Variants in DISC1 observed in about 807,000 individuals in gnomAD.
DISC1 encodes disrupted in schizophrenia 1 protein.
DISC1 carries 57 observed loss-of-function variants against 84.5 expected under a neutral mutation model. The observed-to-expected ratio is 0.67, with a 90% CI of 0.55 to 0.84. DISC1 has a LOEUF of 0.84. Ranked by LOEUF, DISC1 falls within the 40% of genes least tolerant of loss-of-function variation. The probability of loss-of-function intolerance (pLI) is 0.00; values close to 1 mark genes in which losing one functional copy is unlikely to be tolerated. For missense variants in DISC1, 1,000 were observed against 1,057.8 expected, an observed-to-expected ratio of 0.95 and a Z score of 0.76; for synonymous variants, 411 against 415.2, an observed-to-expected ratio of 0.99 and a Z score of 0.12.
Position 231,897,507 on chromosome 1 carries a change from G to A in DISC1, c.1982-61321G>A, listed in dbSNP as rs986784987. Among the ~76,000 whole-genome samples, 4 of 152,052 alleles carry A rather than the reference G, an allele frequency of 2.6e-5. No homozygotes were observed. The highest frequency in any genetic ancestry group is 4.8e-5 in the African/African-American group (2 of 41,414). ...TCACACATACAGCGCAGACTAAATC[G>A]TCTTTTTCTTTATCTTTTTTTTTTC... On this transcript the variant is annotated intron_variant, in intron 9 of 12. Coordinates refer to ENST00000439617, the MANE Select transcript of DISC1 (RefSeq NM_018662.3). The surrounding 1 kb of genome is among the most constrained non-coding windows in gnomAD (Gnocchi z 4.5).
Position 232,031,548 on chromosome 1 carries a change from A to G in DISC1, c.2425+4996A>G, listed in dbSNP as rs1209716708. ...AGGAAAGGAAAGAAAGAAAACCCAG[A>G]GCCTAAGATGACAGTATCTAAAGCT... is the stretch of plus-strand genomic sequence containing the variant. On this transcript the variant is annotated intron_variant, in intron 12 of 12. Coordinates refer to ENST00000439617, the MANE Select transcript of DISC1 (RefSeq NM_018662.3). The surrounding 1 kb of genome is among the most constrained non-coding windows in gnomAD (Gnocchi z 4.6). Among the ~76,000 whole-genome samples the G allele has an allele frequency of 2.6e-5, 4 of 152,184 alleles. No individual in the cohort carries two copies. The highest frequency in any genetic ancestry group is 9.7e-5 in the African/African-American group (4 of 41,442).
At chr1:232,015,399 G>A (rs530797840) in intron 11 of DISC1, among the ~76,000 whole-genome samples, 1 of 152,238 alleles carries the variant, frequency 6.6e-6, no homozygotes, top group East Asian at 1.9e-4. Flanking sequence ...CAGTCTGAGG[G>A]ATCGATAGCA....
Position 231,655,260 on chromosome 1 carries a change from A to G in DISC1, c.67+28326A>G, listed in dbSNP as rs2060959804. ...AAAGTCGCCCCTCCCACACTCCCCTATTCTGAGTCTCTAAAGTCCATTATA... is the reference window on the plus strand; with the variant it reads ...AAAGTCGCCCCTCCCACACTCCCCTGTTCTGAGTCTCTAAAGTCCATTATA... On this transcript the variant is annotated intron_variant, in intron 1 of 12. Coordinates refer to ENST00000439617, the MANE Select transcript of DISC1 (RefSeq NM_018662.3). Among the ~76,000 whole-genome samples, 7 of 152,022 alleles carry G rather than the reference A, an allele frequency of 4.6e-5. 1 individual carries two copies. The South Asian group carries it at 1.4e-3, about 31-fold the overall frequency.
intron 1 of DISC1, among the ~76,000 whole-genome samples, chr1:231,660,217 A>G (rs916624830): frequency 1.3e-5 from 2 of 152,292 alleles, no homozygotes; most frequent in African/African-American, 4.8e-5. Flanking sequence ...ACTCTTTACC[A>G]TTATTAATGC....
chr1:231,901,976 C>T (rs2088215363), intron 9 of DISC1, among the ~76,000 whole-genome samples: 1 of 152,054 alleles, frequency 6.6e-6, no homozygotes, highest in Admixed American at 6.6e-5. Context: ...TGAACAAGAG[C>T]CCCACGTTTC....
chr1:231,789,595 G>A (rs1205676627), intron 6 of DISC1, among the ~76,000 whole-genome samples: 1 of 152,174 alleles, frequency 6.6e-6, no homozygotes. Context: ...AGTAGAGACA[G>A]TTCTTTGGTC....
chr1:231,739,983 A>C (rs1013587487), intron 3 of DISC1, among the ~76,000 whole-genome samples: 2 of 152,160 alleles, frequency 1.3e-5, no homozygotes, highest in Non-Finnish European at 2.9e-5. Flanking sequence ...GGAGGTGATT[A>C]GGTCATGAGG....
chr1:231,998,109 T>C (rs1233305635), intron 10 of DISC1, among the ~76,000 whole-genome samples: 1 of 152,240 alleles, frequency 6.6e-6, no homozygotes, highest in African/African-American at 2.4e-5. Flanking sequence ...CAAAGTTTAA[T>C]TATTTTAAGT....
intron 12 of DISC1, among the ~76,000 whole-genome samples, chr1:232,035,810 G>A (rs546342910): frequency 9.2e-5 from 14 of 152,292 alleles, no homozygotes; most frequent in Admixed American, 8.5e-4. Flanking sequence ...ACTGGATGAC[G>A]TATGGACAGA....
chr1:231,911,992 A>G (rs10732686), intron 9 of DISC1, among the ~76,000 whole-genome samples: 117,121 of 152,130 alleles, frequency 0.77, 45,311 homozygotes, highest in East Asian at 0.91. Flanking sequence ...CATGTGTCAC[A>G]TAGTTCTCGT....
intron 9 of DISC1, among the ~76,000 whole-genome samples, chr1:231,838,876 C>T (rs544392829): frequency 4.6e-5 from 7 of 152,308 alleles, no homozygotes; most frequent in Admixed American, 2.0e-4. Context: ...ACATGTTGAG[C>T]GCCTCTCAGG....
At chr1:231,707,881 C>T (rs2067284963) in intron 3 of DISC1, among the ~76,000 whole-genome samples, 2 of 152,154 alleles carry the variant, frequency 1.3e-5, no homozygotes, top group African/African-American at 4.8e-5. Flanking sequence ...TCCCTAACAT[C>T]TGCAATCCTG....
chr1:231,968,337 T>C (rs549770825), intron 10 of DISC1, among the ~76,000 whole-genome samples: 18 of 151,936 alleles, frequency 1.2e-4, no homozygotes, highest in African/African-American at 4.1e-4. Flanking sequence ...CAACCCCGAA[T>C]TGGAACTGGC....
At chr1:231,906,720 G>A (rs1173852041) in intron 9 of DISC1, among the ~76,000 whole-genome samples, 3 of 152,050 alleles carry the variant, frequency 2.0e-5, no homozygotes, top group South Asian at 2.1e-4. Flanking sequence ...TTGCTCCACC[G>A]TGCTTTTTGG....
intron 10 of DISC1, among the ~76,000 whole-genome samples, chr1:231,962,574 C>T (rs1030755138): frequency 2.0e-5 from 3 of 152,160 alleles, no homozygotes; most frequent in Non-Finnish European, 4.4e-5. Flanking sequence ...GTAACAAAAA[C>T]ATCAAGGTGC....
At chr1:231,754,601 T>G (rs1032539456) in intron 4 of DISC1, among the ~76,000 whole-genome samples, 19 of 152,140 alleles carry the variant, frequency 1.2e-4, no homozygotes, top group Admixed American at 9.8e-4. Context: ...CAATTCAACA[T>G]GAGATTTGGG....
rs1481359614 is a variant in DISC1, at chr1:232,039,666, G to A, written c.*2835G>A. On this transcript the variant is annotated 3_prime_UTR_variant, in exon 13 of 13. Coordinates refer to ENST00000439617, the MANE Select transcript of DISC1 (RefSeq NM_018662.3). ...TTGACCCTGGGAGACACAGGACTGT[G>A]TATCCTCAATCATACTATACAGCAG... The A allele has an allele frequency of 6.6e-6, 1 of 152,132 alleles. No homozygotes were observed. Among genetic ancestry groups the A allele is most frequent in the African/African-American group, 2.4e-5 (1 of 41,434 alleles). 9.4% of individuals were successfully genotyped at this position (152,132 alleles called of 1,614,324 possible).
intron 10 of DISC1, among the ~76,000 whole-genome samples, chr1:231,991,017 G>A (rs1464908468): frequency 6.6e-6 from 1 of 152,164 alleles, no homozygotes; most frequent in African/African-American, 2.4e-5. Context: ...CTCGCCAGGC[G>A]GCACCTGTGT....
intron 1 of DISC1, among the ~76,000 whole-genome samples, chr1:231,645,900 C>CTT (rs751578318): frequency 4.4e-5 from 6 of 134,896 alleles, no homozygotes; most frequent in African/African-American, 5.4e-5. Context: ...ATTTTCTTTT[C>CTT]TTTTTTTTTT....
Sources: allele counts gnomAD v4.1 joint callset (sites outside exome capture counted in the v4.1 genomes callset), GRCh38; gene constraint gnomAD v4.1.1; non-coding constraint Gnocchi (gnomAD v3.1); transcripts MANE v1.5; gene names NCBI Gene and HGNC (gene_info 2026-07-23, HGNC 2026-07-21).